The following KNDC1 variants were observed in gnomAD, a reference collection of about 807,000 sequenced individuals.
The protein encoded by KNDC1 is kinase non-catalytic C-lobe domain-containing protein 1.
KNDC1 carries 106 observed loss-of-function variants against 172.8 expected under a neutral mutation model. That is an observed-to-expected ratio of 0.61 (90% confidence interval 0.52 to 0.72). KNDC1 has a LOEUF of 0.72. KNDC1 is among the 30% of genes least tolerant of loss of function. KNDC1 has a pLI of 0.00. For synonymous variants in KNDC1, 1,083 were observed against 1,062.2 expected (o/e 1.02, Z -0.38); for missense variants, 2,325 against 2,394.5 (o/e 0.97, Z 0.61).
intron 1 of KNDC1, among the ~76,000 whole-genome samples, chr10:133,166,498 C>A (rs552458938): frequency 1.3e-4 from 19 of 151,972 alleles, no homozygotes; most frequent in Non-Finnish European, 2.2e-4. Context: ...GGCATGTGTG[C>A]GGTGGCATGT....
At chr10:133,186,853 T>A (rs1853934093) in intron 6 of KNDC1, among the ~76,000 whole-genome samples, 179 bp downstream of exon 6, 1 of 152,210 alleles carries the variant, frequency 6.6e-6, no homozygotes, top group Admixed American at 6.5e-5. Flanking sequence ...TGGCTGCGGC[T>A]GGGGATGCTG....
At chr10:133,202,275 G>T in intron 17 of KNDC1, 1 of 536,142 alleles carries the variant, frequency 1.9e-6, no homozygotes, top group South Asian at 1.5e-5. Context: ...GCCTCGCTCT[G>T]CAGTGAAAGA....
intron 3 of KNDC1, among the ~76,000 whole-genome samples, chr10:133,176,960 G>A (rs1853553501): frequency 6.6e-6 from 1 of 152,202 alleles, no homozygotes; most frequent in Admixed American, 6.5e-5. Context: ...TCAGGCCATG[G>A]CAGGGCCAGA....
chr10:133,225,290 A>T lies in KNDC1; in HGVS notation c.*400A>T. On this transcript the variant is annotated 3_prime_UTR_variant, in exon 30 of 30. Transcript: ENST00000304613. ...CTCCACCGCCAACTCAACAAACTTC[A>T]GAGTAGCTCCTCCCTGAGCAGGTTT... The T allele has an allele frequency of 4.4e-6, 1 of 229,538 alleles. No homozygotes were observed. 14.2% of individuals were successfully genotyped at this position (229,538 alleles called of 1,614,324 possible).
intron 9 of KNDC1, among the ~76,000 whole-genome samples, chr10:133,191,898 C>T (rs182289482): frequency 6.6e-6 from 1 of 152,346 alleles, no homozygotes; most frequent in Non-Finnish European, 1.5e-5. Context: ...AGTGCCTGCC[C>T]TGGCCCCAGG....
chr10:133,213,859 A>C (rs1210692160), intron 25 of KNDC1, 113 bp from the exon 26 acceptor site: 9 of 1,463,358 alleles, frequency 6.2e-6, no homozygotes, highest in Non-Finnish European at 7.6e-6. Flanking sequence ...GGTGTCTGCC[A>C]GTTGGAGCGG....
Position 133,198,773 on chromosome 10 carries a change from C to G in KNDC1, c.2265C>G (p.Ala755=). ...GGGCGTCAGTGCAGCGTGACTCAGC[C>G]CAGGGCCGCCCCTGCCCTCCACCCC... The part of the protein sequence containing the change: ...PLGASVQRDS[A]QGRPCPPPQA... The change falls in exon 14 of 30, where the codon GCC becomes GCG. Residue 755 remains alanine (A), a synonymous_variant. Coordinates refer to ENST00000304613, the MANE Select transcript of KNDC1 (RefSeq NM_152643.8). 1 of 1,585,934 alleles carries G rather than the reference C, an allele frequency of 6.3e-7. No individual in the cohort carries two copies. The highest frequency in any genetic ancestry group is 8.6e-7 in the Non-Finnish European group (1 of 1,166,514).
intron 9 of KNDC1, among the ~76,000 whole-genome samples, chr10:133,190,345 G>A (rs1464241345): frequency 1.7e-5 from 1 of 58,370 alleles, no homozygotes; most frequent in Non-Finnish European, 5.0e-5. Flanking sequence ...TAAACACCCT[G>A]CACTAAGCAC....
At position 133,206,698 on chromosome 10, in the gene KNDC1, A is replaced by C. The variant is rs962997976; in HGVS notation, c.3401A>C (p.Gln1134Pro). 3 of 1,613,786 alleles carry C rather than the reference A, an allele frequency of 1.9e-6. No individual in the cohort carries two copies. In the African/African-American group the frequency reaches 4.0e-5, roughly 22 times the overall value. The change falls in exon 18 of 30, where the codon CAG (glutamine) becomes CCG (proline). Residue 1134 changes from glutamine (Q) to proline (P), a missense_variant. Physicochemically the swap from Gln to Pro is moderately conservative, Grantham distance 76 (BLOSUM62 -1). Transcript: ENST00000304613. ...PDAQSPELEQ[Q>P]LMMEKRNYRK... Reference sequence around the variant, plus strand: ...TTTCGTCCCCAGGAGCTGGAACAGCAGCTCATGATGGAGAAAAGAAACTAC... The same window carrying C: ...TTTCGTCCCCAGGAGCTGGAACAGCCGCTCATGATGGAGAAAAGAAACTAC...
At chr10:133,180,404 C>T (rs1853681692) in intron 3 of KNDC1, among the ~76,000 whole-genome samples, 1 of 152,252 alleles carries the variant, frequency 6.6e-6, no homozygotes, top group South Asian at 2.1e-4. Flanking sequence ...AGATGTGAGG[C>T]TCCGCGGCTG....
intron 9 of KNDC1, among the ~76,000 whole-genome samples, chr10:133,193,249 G>T (rs114509152): frequency 0.013 from 2,028 of 152,318 alleles, 55 homozygotes; most frequent in African/African-American, 0.046. Context: ...AACAGGCTAG[G>T]TGCAGTGGCT....
At chr10:133,169,277 A>G (rs1186429202) in intron 3 of KNDC1, among the ~76,000 whole-genome samples, 1 of 152,198 alleles carries the variant, frequency 6.6e-6, no homozygotes, top group Non-Finnish European at 1.5e-5. Flanking sequence ...CCTGGCCAAC[A>G]TGGCGAACCC....
chr10:133,173,476 G>A (rs540065943), intron 3 of KNDC1, among the ~76,000 whole-genome samples: 55 of 130,500 alleles, frequency 4.2e-4, no homozygotes, highest in African/African-American at 1.5e-3. Flanking sequence ...ATGTTTGCAT[G>A]ATCATTTCCT....
Position 133,197,711 on chromosome 10 carries a change from G to T in KNDC1, c.1849G>T (p.Ala617Ser), listed in dbSNP as rs199930247. Reference protein sequence around the residue: ...QEEETISLQNAFSVVELKPSV... With the variant: ...QEEETISLQNSFSVVELKPSV... Reference sequence around the variant, plus strand: ...GGAAGAGACCATCAGCCTCCAAAACGCCTTCTCAGTGGTTGAACTGAAGCC... The same window carrying T: ...GGAAGAGACCATCAGCCTCCAAAACTCCTTCTCAGTGGTTGAACTGAAGCC... Residue 617 changes from alanine (A) to serine (S), a missense_variant, in exon 12 of 30, where the codon GCC becomes TCC. By Grantham distance (99) the Ala-to-Ser change is moderately conservative. Coordinates refer to ENST00000304613, the MANE Select transcript of KNDC1 (RefSeq NM_152643.8). The T allele has an allele frequency of 6.2e-7, 1 of 1,613,334 alleles. No individual in the cohort carries two copies. Among genetic ancestry groups the T allele is most frequent in the Non-Finnish European group, 8.5e-7 (1 of 1,179,854 alleles).
chr10:133,212,683 C>T, intron 23 of KNDC1, 33 bp from the exon 24 acceptor site: 5 of 1,595,868 alleles, frequency 3.1e-6, no homozygotes. Flanking sequence ...GGACACGGAG[C>T]TTAGGCCCCT....
At chr10:133,197,536 C>T in intron 11 of KNDC1, 139 bp from the exon 12 acceptor site, 2 of 718,876 alleles carry the variant, frequency 2.8e-6, no homozygotes, top group Non-Finnish European at 4.9e-6. Context: ...AGAGCTTGGG[C>T]CGTGTGGCCG....
intron 28 of KNDC1, 60 bp downstream of exon 28, chr10:133,219,150 C>T (rs1281720491): frequency 2.2e-5 from 34 of 1,569,444 alleles, no homozygotes; most frequent in Middle Eastern, 2.1e-4. Context: ...CCTAAACGAA[C>T]TGCTGTGCAG....
chr10:133,207,037 C>A (rs748421868), intron 19 of KNDC1, 84 bp downstream of exon 19: 14 of 1,537,416 alleles, frequency 9.1e-6, no homozygotes, highest in Non-Finnish European at 1.3e-5. Context: ...TAAATCTGTC[C>A]GTGTGAAGTT....
At chr10:133,207,433 T>C (rs1305870091) in intron 20 of KNDC1, 82 bp downstream of exon 20, 2 of 1,297,112 alleles carry the variant, frequency 1.5e-6, no homozygotes, top group Non-Finnish European at 2.2e-6. Flanking sequence ...CCCTCGCCAG[T>C]CAGCTAGGCT....
Sources: gnomAD v4.1 joint callset for allele counts (sites outside exome capture counted in the v4.1 genomes callset) on GRCh38, gnomAD v4.1.1 for gene constraint, MANE v1.5 for transcripts, NCBI Gene and HGNC (gene_info 2026-07-23, HGNC 2026-07-21) for gene names.